The following NEDD9 variants were observed in gnomAD, a reference collection of about 807,000 sequenced individuals.
NEDD9 encodes the protein neural precursor cell expressed, developmentally down-regulated 9.
NEDD9 carries 26 observed loss-of-function variants against 76.6 expected under a neutral mutation model. The ratio of observed to expected loss-of-function variants is 0.34; its 90% CI spans 0.25 to 0.47. NEDD9 has a LOEUF of 0.47. NEDD9 is among the 20% of genes least tolerant of loss of function. The probability of loss-of-function intolerance (pLI) is 1.00; values close to 1 mark genes in which losing one functional copy is unlikely to be tolerated. For synonymous variants in NEDD9, 392 were observed against 414.2 expected (o/e 0.95, Z 0.65); for missense variants, 937 against 1,058.5 (o/e 0.89, Z 1.59).
At chr6:11,300,625 T>C (rs530262614) in intron 3 of NEDD9, among the ~76,000 whole-genome samples, 1 of 152,320 alleles carries the variant, frequency 6.6e-6, no homozygotes, top group South Asian at 2.1e-4. Flanking sequence ...AAGGTCGGGT[T>C]ACCCACAAAG....
At chr6:11,312,647 A>T in intron 2 of NEDD9, among the ~76,000 whole-genome samples, 1 of 148,850 alleles carries the variant, frequency 6.7e-6, no homozygotes, top group Non-Finnish European at 1.5e-5. Context: ...TACTATGGAA[A>T]TGTTTTAAGT....
intron 2 of NEDD9, among the ~76,000 whole-genome samples, chr6:11,207,899 C>T (rs1758656518): frequency 6.6e-6 from 1 of 152,128 alleles, no homozygotes; most frequent in African/African-American, 2.4e-5. Flanking sequence ...AAAGTTAGGC[C>T]AGGCGCAGTG....
chr6:11,351,732 C>T (rs1339773105), intron 1 of NEDD9, among the ~76,000 whole-genome samples: 1 of 152,250 alleles, frequency 6.6e-6, no homozygotes, highest in Admixed American at 6.5e-5. Context: ...TCGAGCATAG[C>T]AAATACACAG....
intron 3 of NEDD9, among the ~76,000 whole-genome samples, chr6:11,304,000 C>T (rs879889982): frequency 1.3e-5 from 2 of 152,308 alleles, no homozygotes; most frequent in Admixed American, 1.3e-4. Flanking sequence ...GCAAAAGAAA[C>T]TACCATCAGA....
intron 6 of NEDD9, among the ~76,000 whole-genome samples, chr6:11,186,973 A>C (rs1277112674): frequency 6.6e-6 from 1 of 152,210 alleles, no homozygotes; most frequent in African/African-American, 2.4e-5. Flanking sequence ...TATGGTTTCT[A>C]CAAGTTCCCC....
At chr6:11,199,485 G>A (rs1160019180) in intron 2 of NEDD9, 3 of 152,108 alleles carry the variant, frequency 2.0e-5, no homozygotes, top group Non-Finnish European at 2.9e-5. Flanking sequence ...GCCATAATAA[G>A]CCTTAGCTAT....
rs1279439867 is a variant in NEDD9, at chr6:11,370,981, C to T, written c.-214+11158G>A. Among the ~76,000 whole-genome samples the T allele has an allele frequency of 2.6e-5, 4 of 152,188 alleles. No individual in the cohort carries two copies. Among genetic ancestry groups the T allele is most frequent in the Admixed American group, 2.0e-4 (3 of 15,298 alleles). On this transcript the variant is annotated intron_variant, in intron 1 of 3. Transcript: ENST00000397378. This position sits in a 1 kb window ranked among gnomAD's most constrained non-coding sequence, Gnocchi z 4.2. ...GCCCAGAGCTGAATGAGGAAGGGGA[C>T]GGAGCCTGGCAGGGATCTCCCAGAA...
At chr6:11,318,494 A>G (rs571523884) in intron 2 of NEDD9, among the ~76,000 whole-genome samples, 170 of 152,250 alleles carry the variant, frequency 1.1e-3, no homozygotes, top group African/African-American at 3.9e-3. Flanking sequence ...CACTCATGTT[A>G]CATAATTAGA....
chr6:11,235,497 A>C (rs1203131562), upstream of NEDD9, among the ~76,000 whole-genome samples: 1 of 152,302 alleles, frequency 6.6e-6, no homozygotes, highest in East Asian at 1.9e-4. The surrounding 1 kb of genome is among the most constrained non-coding windows in gnomAD (Gnocchi z 4.1). Context: ...CAGTCTAGTG[A>C]GAGTTGAGGA....
chr6:11,327,848 C>A (rs947090399), intron 2 of NEDD9, among the ~76,000 whole-genome samples: 3 of 152,138 alleles, frequency 2.0e-5, no homozygotes, highest in African/African-American at 7.3e-5. Context: ...TCGTCTTAAT[C>A]CACACCTGGG....
At position 11,185,546 on chromosome 6, in the gene NEDD9, C is replaced by T; in HGVS notation, c.2121G>A (p.Leu707=). ...CACATTGGTCATAGTAGAAGCACAG[C>T]AACTGCCGATCCTGAGCACTCACGC... ...NSGVSAQDRQ[L]LCFYYDQCET... Residue 707 remains leucine, a synonymous_variant, in exon 7 of 7, where the codon TTG becomes TTA. Transcript: ENST00000379446. 6.2e-7 allele frequency: 1 copy of T among 1,614,226 alleles called. No individual in the cohort carries two copies. Among genetic ancestry groups the T allele is most frequent in the Non-Finnish European group, 8.5e-7 (1 of 1,180,040 alleles).
Position 11,213,354 on chromosome 6 carries a change from T to C in NEDD9, c.386A>G (p.Gln129Arg). ...TGATGGTGGCACCTGATATACCTCT[T>C]GTTCTTGGGTGCCGTGGCCAGTGGG... ...QVPTGHGTQEQEVYQVPPSVQ... is the reference protein window; with the variant it reads ...QVPTGHGTQEREVYQVPPSVQ... The change falls in exon 2 of 7, where the codon CAA becomes CGA. Residue 129 changes from glutamine to arginine, a missense_variant. By Grantham distance (43) the Gln-to-Arg change is conservative. Transcript: ENST00000379446. The surrounding 1 kb of genome is among the most constrained non-coding windows in gnomAD (Gnocchi z 5.4). The C allele has an allele frequency of 6.2e-7, 1 of 1,614,080 alleles. No individual in the cohort carries two copies. Among genetic ancestry groups the C allele is most frequent in the Non-Finnish European group, 8.5e-7 (1 of 1,180,000 alleles).
chr6:11,270,359 CCCTCAA>C (rs1343187112), intron 3 of NEDD9, among the ~76,000 whole-genome samples: 1 of 150,278 alleles, frequency 6.7e-6, no homozygotes, highest in African/African-American at 2.5e-5. Context: ...TCTCTCCCTC[CCCTCAA>C]CCTTTTTTTT....
chr6:11,348,630 C>T (rs561452195), intron 1 of NEDD9, among the ~76,000 whole-genome samples: 9 of 152,258 alleles, frequency 5.9e-5, no homozygotes, highest in Admixed American at 2.0e-4. Flanking sequence ...TGTGCACCTA[C>T]AATCATCTGA....
chr6:11,254,083 T>A (rs960441234), intron 3 of NEDD9, among the ~76,000 whole-genome samples: 8 of 152,192 alleles, frequency 5.3e-5, no homozygotes, highest in Non-Finnish European at 1.0e-4. Flanking sequence ...TTGGGTTATA[T>A]TTGTGCAAAA....
At chr6:11,261,385 T>C (rs1323989987) in intron 3 of NEDD9, among the ~76,000 whole-genome samples, 2 of 152,214 alleles carry the variant, frequency 1.3e-5, no homozygotes, top group Non-Finnish European at 2.9e-5. Flanking sequence ...AACCTATGTC[T>C]TTGCATTCTT....
intron 1 of NEDD9, among the ~76,000 whole-genome samples, chr6:11,228,175 A>G (rs1028595039): frequency 5.3e-5 from 8 of 152,080 alleles, no homozygotes; most frequent in African/African-American, 1.5e-4. Context: ...GAAAGCCTGA[A>G]AAGAAGAAGA....
intron 2 of NEDD9, among the ~76,000 whole-genome samples, chr6:11,320,695 A>C (rs1761776820): frequency 6.6e-6 from 1 of 152,224 alleles, no homozygotes; most frequent in Non-Finnish European, 1.5e-5. Context: ...ATACAACTGG[A>C]GTACTATGAT....
rs564364200 is a variant in NEDD9, at chr6:11,257,817, C to T, written c.13-44090G>A. On this transcript the variant is annotated intron_variant, in intron 3 of 3. Coordinates refer to the NEDD9 transcript ENST00000397378. ...TGTGTGTGTGTGTGTGTGTGCAGTA[C>T]GGCATCAAAGGTTATCTTGTCTCAT... Among the ~76,000 whole-genome samples the T allele has an allele frequency of 2.8e-3, 309 of 110,428 alleles. 3 individuals are homozygous for T. Among genetic ancestry groups the T allele is most frequent in the African/African-American group, 0.018 (287 of 16,364 alleles). The allele number at this position is 110,428 out of a possible 152,430, so 72.4% of individuals were successfully genotyped here. A position where few individuals can be genotyped will look rare whatever the true frequency, so the allele number is the denominator to read the frequency against.
Sources: gnomAD v4.1 joint callset for allele counts (sites outside exome capture counted in the v4.1 genomes callset) on GRCh38, gnomAD v4.1.1 for gene constraint, Gnocchi (gnomAD v3.1) non-coding constraint, MANE v1.5 for transcripts, NCBI Gene and HGNC (gene_info 2026-07-23, HGNC 2026-07-21) for gene names.